ZBTB16: variants seen among roughly 807,000 people sequenced by gnomAD.
The protein encoded by ZBTB16 is zinc finger and BTB domain containing 16, also known as zinc finger and BTB domain-containing protein 16.
ZBTB16 carries 8 observed loss-of-function variants against 56.8 expected under a neutral mutation model. That is an observed-to-expected ratio of 0.14 (90% CI 0.08 to 0.25). The LOEUF (loss-of-function observed/expected upper bound fraction) is 0.25. Among genes scored for constraint, ZBTB16 ranks in the 10% least tolerant of loss-of-function variants. The pLI, the probability that ZBTB16 is intolerant of heterozygous loss-of-function variation, is 1.00. For missense variants in ZBTB16, 625 were observed against 903.0 expected (o/e 0.69, Z 3.95); for synonymous variants, 363 against 368.5 (o/e 0.98, Z 0.17).
chr11:114,166,369 A>G (rs1942757743), intron 3 of ZBTB16, among the ~76,000 whole-genome samples: 1 of 152,016 alleles, frequency 6.6e-6, no homozygotes, highest in African/African-American at 2.4e-5. Flanking sequence ...AGGATTGGAC[A>G]GTCCTTTGGG....
At chr11:114,176,070 G>A (rs139806061) in intron 3 of ZBTB16, among the ~76,000 whole-genome samples, 20 of 151,870 alleles carry the variant, frequency 1.3e-4, no homozygotes, top group African/African-American at 3.9e-4. Context: ...GGCCTGTGAC[G>A]GAGCATTCTG....
At chr11:114,144,126 G>A (rs1026913931) in intron 2 of ZBTB16, among the ~76,000 whole-genome samples, 1 of 151,810 alleles carries the variant, frequency 6.6e-6, no homozygotes, top group African/African-American at 2.4e-5. Flanking sequence ...ATAAATGTGT[G>A]CTCTCACAAA....
Position 114,083,799 on chromosome 11 carries a change from G to A in ZBTB16, c.1268+19231G>A, listed in dbSNP as rs143360378. 4.6e-5 allele frequency among the ~76,000 whole-genome samples: 7 copies of A among 151,498 alleles called. No homozygotes were observed. The East Asian group carries it at 7.8e-4, about 17-fold the overall frequency. ...AAAGTATTCTTGATGCCGCCCCCCCGCCCCACCGCCAAGAATTCTGCTCTG... is the reference window on the plus strand; with the variant it reads ...AAAGTATTCTTGATGCCGCCCCCCCACCCCACCGCCAAGAATTCTGCTCTG... On this transcript the variant is annotated intron_variant, in intron 2 of 6. Transcript: ENST00000335953.
Position 114,178,728 on chromosome 11 carries a change from A to G in ZBTB16, c.1367-8224A>G, listed in dbSNP as rs577964127. 5.3e-5 allele frequency among the ~76,000 whole-genome samples: 8 copies of G among 152,334 alleles called. No individual in the cohort carries two copies. The South Asian group carries it at 1.4e-3, about 28-fold the overall frequency. On this transcript the variant is annotated intron_variant, in intron 3 of 6. Coordinates refer to ENST00000335953, the MANE Select transcript of ZBTB16 (RefSeq NM_006006.6). ...GATCCCAGTAAGAGACAAGGGCACC[A>G]TGCAGCTTCCTAGTAGCATCACATT... is the stretch of plus-strand genomic sequence containing the variant.
intron 2 of ZBTB16, among the ~76,000 whole-genome samples, chr11:114,091,473 G>A (rs1312865368): frequency 6.6e-6 from 1 of 151,996 alleles, no homozygotes; most frequent in Non-Finnish European, 1.5e-5. Flanking sequence ...CTGGTGCTCG[G>A]TGGTCACCGT....
chr11:114,182,115 G>A (rs1460887766), intron 3 of ZBTB16, among the ~76,000 whole-genome samples: 4 of 152,146 alleles, frequency 2.6e-5, no homozygotes, highest in Admixed American at 2.6e-4. Context: ...GCAATGGTGT[G>A]ATCTCAGCTC....
At chr11:114,170,762 T>A (rs1284187828) in intron 3 of ZBTB16, among the ~76,000 whole-genome samples, 1 of 152,246 alleles carries the variant, frequency 6.6e-6, no homozygotes, top group African/African-American at 2.4e-5. Context: ...CATTGGCGGC[T>A]GCATTTTTGT....
intron 3 of ZBTB16, among the ~76,000 whole-genome samples, chr11:114,161,475 A>G (rs970187410): frequency 3.3e-5 from 5 of 152,202 alleles, no homozygotes; most frequent in East Asian, 1.9e-4. Context: ...TGACTATGCA[A>G]TCATCATACA....
At chr11:114,076,120 C>G (rs369865389) in intron 2 of ZBTB16, among the ~76,000 whole-genome samples, 4 of 152,088 alleles carry the variant, frequency 2.6e-5, no homozygotes, top group Non-Finnish European at 5.9e-5. Flanking sequence ...GAAAGCATGC[C>G]GGAATCTGGC....
rs191196310 is a variant in ZBTB16 at position 114,140,006 on chromosome 11, G to A, written c.1269-16331G>A. 1.5e-3 allele frequency among the ~76,000 whole-genome samples: 221 copies of A among 152,248 alleles called. 1 individual carries two copies. The highest frequency in any genetic ancestry group is 1.9e-3 in the Non-Finnish European group (128 of 68,022). ...CCCCCTTCCGTCCTCGGTCAAGAAC[G>A]AACAATGCTTCCCTCTTTGTCTGCT... is the stretch of plus-strand genomic sequence containing the variant. On this transcript the variant is annotated intron_variant, in intron 2 of 6. Transcript: ENST00000335953.
At chr11:114,158,280 G>A (rs1170078937) in intron 3 of ZBTB16, among the ~76,000 whole-genome samples, 1 of 152,174 alleles carries the variant, frequency 6.6e-6, no homozygotes, top group African/African-American at 2.4e-5. Flanking sequence ...TGCCCTCTCA[G>A]CCGCAGTAAG....
At chr11:114,184,243 C>T (rs1475441496) in intron 3 of ZBTB16, among the ~76,000 whole-genome samples, 1 of 152,244 alleles carries the variant, frequency 6.6e-6, no homozygotes, top group African/African-American at 2.4e-5. Flanking sequence ...ACCCCACATT[C>T]TAGACCTCCT....
At chr11:114,190,602 A>G (rs1185780375) in intron 4 of ZBTB16, among the ~76,000 whole-genome samples, 1 of 152,266 alleles carries the variant, frequency 6.6e-6, no homozygotes, top group East Asian at 1.9e-4. Flanking sequence ...TTTAAAAGAC[A>G]TGAATTTTAT....
intron 2 of ZBTB16, among the ~76,000 whole-genome samples, chr11:114,080,035 C>A (rs1259153295): frequency 1.3e-5 from 2 of 152,160 alleles, no homozygotes; most frequent in Non-Finnish European, 2.9e-5. Flanking sequence ...AAAACCAGGA[C>A]TGTCACTGTT....
chr11:114,094,888 C>A (rs534940538), intron 2 of ZBTB16, among the ~76,000 whole-genome samples: 1 of 152,360 alleles, frequency 6.6e-6, no homozygotes, highest in Non-Finnish European at 1.5e-5. Flanking sequence ...CCTCTGGGAT[C>A]AGTTTCACTG....
At chr11:114,152,799 T>C (rs1218132140) in intron 2 of ZBTB16, among the ~76,000 whole-genome samples, 2 of 152,256 alleles carry the variant, frequency 1.3e-5, no homozygotes, top group African/African-American at 4.8e-5. Flanking sequence ...TGTCCCCAGA[T>C]GTCTTCCTTC....
At chr11:114,088,087 T>A (rs1202479444) in intron 2 of ZBTB16, among the ~76,000 whole-genome samples, 1 of 150,664 alleles carries the variant, frequency 6.6e-6, no homozygotes, top group Admixed American at 6.6e-5. Context: ...AAATAATATG[T>A]CCCTCCATTG....
chr11:114,183,601 C>T (rs1943300203), intron 3 of ZBTB16, among the ~76,000 whole-genome samples: 1 of 152,214 alleles, frequency 6.6e-6, no homozygotes, highest in Non-Finnish European at 1.5e-5. Flanking sequence ...CCTCCTCGGG[C>T]CTTTGCTTCC....
At chr11:114,073,367 A>G (rs899946325) in intron 2 of ZBTB16, among the ~76,000 whole-genome samples, 3 of 152,366 alleles carry the variant, frequency 2.0e-5, no homozygotes, top group Middle Eastern at 6.8e-3. Context: ...ATTTACAAAA[A>G]TAAAAATCCC....
Sources: allele counts gnomAD v4.1 joint callset (sites outside exome capture counted in the v4.1 genomes callset), GRCh38; gene constraint gnomAD v4.1.1; transcripts MANE v1.5; gene names NCBI Gene and HGNC (gene_info 2026-07-23, HGNC 2026-07-21).